The following WDFY2 variants were observed in gnomAD, a reference collection of about 807,000 sequenced individuals.
The protein encoded by WDFY2 is WD repeat and FYVE domain-containing protein 2.
Under a neutral mutation model 56.4 loss-of-function variants are expected in WDFY2, and 36 were observed. That is an observed-to-expected ratio of 0.64 (90% confidence interval 0.49 to 0.84). The LOEUF (loss-of-function observed/expected upper bound fraction) is 0.84. Among genes scored for constraint, WDFY2 ranks in the 40% least tolerant of loss-of-function variants. The pLI is 0.00. For synonymous variants in WDFY2, 176 were observed against 183.7 expected (o/e 0.96, Z 0.34); for missense variants, 444 against 512.2 (o/e 0.87, Z 1.29).
In WDFY2 at chr13:51,758,308, G is replaced by C; in HGVS notation, c.1173+8G>C. On this transcript the variant is annotated splice_region_variant and intron_variant, in intron 11 of 11. Transcript: ENST00000298125. ...ACTGACAAGGTTATTAAGGTAAGATGCCATCTTATTAAGAAGCTTTCCATC... is the reference window on the plus strand; with the variant it reads ...ACTGACAAGGTTATTAAGGTAAGATCCCATCTTATTAAGAAGCTTTCCATC... 3 of 1,568,852 alleles carry C rather than the reference G, an allele frequency of 1.9e-6. No individual in the cohort carries two copies. Among genetic ancestry groups the C allele is most frequent in the Non-Finnish European group, 2.6e-6 (3 of 1,144,438 alleles).
chr13:51,630,536 G>A (rs1383204096), intron 1 of WDFY2, among the ~76,000 whole-genome samples: 1 of 148,870 alleles, frequency 6.7e-6, no homozygotes, highest in African/African-American at 2.5e-5. Context: ...CATACTTTTT[G>A]AACAACTATA....
Position 51,761,353 on chromosome 13 carries a change from C to T in WDFY2, c.*1584C>T, listed in dbSNP as rs796706122. ...GTCCCTTTTAAAAATCTTATTTTCA[C>T]CTGTAAAAATAGAATAAAAATTAAT... On this transcript the variant is annotated 3_prime_UTR_variant, in exon 12 of 12. Transcript: ENST00000298125. 3 of 152,290 alleles carry T rather than the reference C, an allele frequency of 2.0e-5. No homozygotes were observed. The highest frequency in any genetic ancestry group is 7.2e-5 in the African/African-American group (3 of 41,570). 9.4% of individuals were successfully genotyped at this position (152,290 alleles called of 1,614,324 possible).
chr13:51,653,185 A>G (rs933664612), intron 1 of WDFY2, among the ~76,000 whole-genome samples: 4 of 152,076 alleles, frequency 2.6e-5, no homozygotes, highest in African/African-American at 7.2e-5. Flanking sequence ...TCTTTCTTCC[A>G]GTTGATCGAA....
Position 51,584,679 on chromosome 13 carries a change from C to A in WDFY2, c.-9C>A. ...TGGCGGCGGCGCCCCAGGCGCGCCCCCTCCTCCGATGGCGGCGGAGATCCA... is the reference window on the plus strand; with the variant it reads ...TGGCGGCGGCGCCCCAGGCGCGCCCACTCCTCCGATGGCGGCGGAGATCCA... On this transcript the variant is annotated 5_prime_UTR_variant, in exon 1 of 12. Transcript: ENST00000298125. 1.2e-6 allele frequency: 2 copies of A among 1,609,262 alleles called. No homozygotes were observed. Among genetic ancestry groups the A allele is most frequent in the Non-Finnish European group, 1.7e-6 (2 of 1,178,380 alleles).
chr13:51,631,432 C>T (rs1170555551), intron 1 of WDFY2, among the ~76,000 whole-genome samples: 5 of 151,218 alleles, frequency 3.3e-5, no homozygotes, highest in East Asian at 1.9e-4. Flanking sequence ...GAAAACAATT[C>T]TCTGTGACTT....
intron 2 of WDFY2, among the ~76,000 whole-genome samples, chr13:51,672,317 CTTTATG>C (rs1253191643): frequency 6.6e-6 from 1 of 152,072 alleles, no homozygotes; most frequent in Non-Finnish European, 1.5e-5. Context: ...CCTTTTTCCA[CTTTATG>C]TTTTGTTTGC....
intron 1 of WDFY2, among the ~76,000 whole-genome samples, chr13:51,621,436 C>T (rs974828468): frequency 4.6e-5 from 7 of 152,208 alleles, no homozygotes; most frequent in Non-Finnish European, 8.8e-5. Flanking sequence ...ACCCGGGAGG[C>T]GGAGTTTGCA....
intron 1 of WDFY2, among the ~76,000 whole-genome samples, chr13:51,608,593 A>G (rs1039017294): frequency 1.3e-5 from 2 of 152,200 alleles, no homozygotes; most frequent in African/African-American, 2.4e-5. Flanking sequence ...AGGCAGGACA[A>G]TCGCTTGCAC....
chr13:51,592,801 G>A (rs1339204164), intron 1 of WDFY2, among the ~76,000 whole-genome samples: 7 of 151,624 alleles, frequency 4.6e-5, no homozygotes, highest in Non-Finnish European at 1.0e-4. Flanking sequence ...CATAATAATC[G>A]CTCTGGAGTA....
At chr13:51,630,281 C>T (rs1048725520) in intron 1 of WDFY2, among the ~76,000 whole-genome samples, 25 of 152,218 alleles carry the variant, frequency 1.6e-4, no homozygotes, top group African/African-American at 2.9e-4. Flanking sequence ...CGATTTCTTA[C>T]TTTTATAGCA....
intron 1 of WDFY2, among the ~76,000 whole-genome samples, chr13:51,659,002 A>T (rs111918237): frequency 6.6e-6 from 1 of 152,016 alleles, no homozygotes; most frequent in South Asian, 2.1e-4. Flanking sequence ...TCTTGGCTCA[A>T]TGCAACCTCT....
chr13:51,629,783 CTCTTTAGT>C (rs1954914431), intron 1 of WDFY2, among the ~76,000 whole-genome samples: 1 of 145,064 alleles, frequency 6.9e-6, no homozygotes, highest in Non-Finnish European at 1.5e-5. Context: ...AGTAACGGTT[CTCTTTAGT>C]TCTTTGATTT....
intron 1 of WDFY2, among the ~76,000 whole-genome samples, chr13:51,652,514 A>G (rs1442962667): frequency 6.6e-6 from 1 of 151,792 alleles, no homozygotes; most frequent in Non-Finnish European, 1.5e-5. Context: ...GGTCTTTACA[A>G]TTTGGCATGT....
chr13:51,584,908 G>T (rs1953906863), intron 1 of WDFY2, 84 bp downstream of exon 1: 2 of 1,556,278 alleles, frequency 1.3e-6, no homozygotes, highest in South Asian at 1.2e-5. Context: ...GTGCCTTCAC[G>T]TCGGCGCGAG....
chr13:51,688,233 G>A (rs1956094129), intron 3 of WDFY2, among the ~76,000 whole-genome samples: 1 of 152,130 alleles, frequency 6.6e-6, no homozygotes, highest in Non-Finnish European at 1.5e-5. Context: ...TGGGTAACAG[G>A]GATCATGATG....
intron 1 of WDFY2, among the ~76,000 whole-genome samples, chr13:51,594,371 G>A (rs1024434619): frequency 1.3e-5 from 2 of 152,114 alleles, no homozygotes; most frequent in Non-Finnish European, 1.5e-5. Context: ...TCATTAGGTG[G>A]CATAATTTGG....
intron 2 of WDFY2, among the ~76,000 whole-genome samples, chr13:51,674,630 C>A (rs1009906447): frequency 1.3e-5 from 2 of 152,084 alleles, no homozygotes; most frequent in Non-Finnish European, 2.9e-5. Flanking sequence ...CTCCAGCACA[C>A]CCCCAAAGGC....
rs542199999 is a variant in WDFY2, at chr13:51,701,199, G to C, written c.280-2397G>C. Among the ~76,000 whole-genome samples, 12 of 152,166 alleles carry C rather than the reference G, an allele frequency of 7.9e-5. No homozygotes were observed. The South Asian group carries it at 2.5e-3, about 32-fold the overall frequency. ...GTGTTTATTTTTCTTACATTTCTTA[G>C]AGTAGTATATTGTGTTTCTATGATC... is the stretch of plus-strand genomic sequence containing the variant. On this transcript the variant is annotated intron_variant, in intron 3 of 11. Transcript: ENST00000298125.
At chr13:51,590,588 T>G (rs1284099194) in intron 1 of WDFY2, 1 of 152,198 alleles carries the variant, frequency 6.6e-6, no homozygotes. Flanking sequence ...TCTGTAACAC[T>G]AAACTAAATT....
Sources: allele counts gnomAD v4.1 joint callset (sites outside exome capture counted in the v4.1 genomes callset), GRCh38; gene constraint gnomAD v4.1.1; transcripts MANE v1.5; gene names NCBI Gene and HGNC (gene_info 2026-07-23, HGNC 2026-07-21).